The following EXOSC10 variants were observed in gnomAD, a reference collection of about 807,000 sequenced individuals.
The protein encoded by EXOSC10 is exosome component 10, also known as exosome complex component 10.
Under a neutral mutation model 126.6 loss-of-function variants are expected in EXOSC10, and 94 were observed. The observed-to-expected ratio is 0.74, with a 90% CI of 0.63 to 0.88. The LOEUF (loss-of-function observed/expected upper bound fraction) is 0.88. Among genes scored for constraint, EXOSC10 ranks in the 40% least tolerant of loss-of-function variants. The pLI is 0.00. For missense variants in EXOSC10, 1,041 were observed against 1,100.5 expected (o/e 0.95, Z 0.77); for synonymous variants, 395 against 400.8 (o/e 0.99, Z 0.17).
chr1:11,095,911 T>C (rs765529969), intron 2 of EXOSC10, 30 bp from the exon 3 acceptor site: 9 of 1,604,626 alleles, frequency 5.6e-6, no homozygotes, highest in African/African-American at 5.4e-5. Context: ...GGTTAGCTTG[T>C]AGATTTTTAT....
At position 11,090,993 on chromosome 1, in the gene EXOSC10, GGCAAA is replaced by G. The variant is rs1557715614; in HGVS notation, c.643+16_643+20del. On this transcript the variant is annotated intron_variant, in intron 5 of 24. Coordinates refer to ENST00000376936, the MANE Select transcript of EXOSC10 (RefSeq NM_001001998.3). Reference sequence around the variant, plus strand: ...TCAAATAAAGTGAGACTCAAACACAGGCAAAGTATGCACTATTTACCTTGAGGGAG... The same window carrying G: ...TCAAATAAAGTGAGACTCAAACACAGGTATGCACTATTTACCTTGAGGGAG... 1 of 1,609,316 alleles carries G rather than the reference GGCAAA, an allele frequency of 6.2e-7. No homozygotes were observed. Among genetic ancestry groups the G allele is most frequent in the Non-Finnish European group, 8.5e-7 (1 of 1,177,614 alleles).
chr1:11,099,860 A>G lies in EXOSC10; in HGVS notation c.-29T>C. 6.3e-7 allele frequency: 1 copy of G among 1,576,174 alleles called. No individual in the cohort carries two copies. On this transcript the variant is annotated 5_prime_UTR_variant, in exon 1 of 25. Coordinates refer to ENST00000376936, the MANE Select transcript of EXOSC10 (RefSeq NM_001001998.3). The stretch of plus-strand genomic sequence containing the variant: ...TTCAGCCTGCACGGCTCGTCTCGCG[A>G]GAGCTTGTCGGCCGAGGAGACGGGA...
intron 9 of EXOSC10, among the ~76,000 whole-genome samples, chr1:11,083,347 A>G (rs979956385): frequency 2.0e-5 from 3 of 152,054 alleles, no homozygotes; most frequent in African/African-American, 7.2e-5. Flanking sequence ...GGATTGCTTG[A>G]GGTCAGGAGT....
chr1:11,081,616 C>T (rs1397102919), intron 10 of EXOSC10, among the ~76,000 whole-genome samples: 3 of 152,186 alleles, frequency 2.0e-5, no homozygotes, highest in Admixed American at 2.0e-4. Flanking sequence ...GAACCAGGTA[C>T]TTCATAGGCT....
intron 10 of EXOSC10, 38 bp from the exon 11 acceptor site, chr1:11,081,276 C>A (rs747667876): frequency 1.2e-6 from 2 of 1,605,394 alleles, no homozygotes; most frequent in East Asian, 2.2e-5. Context: ...TGATTGCCCC[C>A]AAGGACAGCA....
intron 9 of EXOSC10, among the ~76,000 whole-genome samples, chr1:11,084,976 T>C (rs886873782): frequency 7.9e-5 from 12 of 152,134 alleles, no homozygotes; most frequent in African/African-American, 2.7e-4. Context: ...TGTTCTGTTC[T>C]ATTGATCTAT....
chr1:11,098,179 GCATGTTTA>G, intron 1 of EXOSC10, 23 bp from the exon 2 acceptor site: 1 of 1,586,214 alleles, frequency 6.3e-7, no homozygotes, highest in Non-Finnish European at 8.5e-7. Context: ...AGAAAAGATG[GCATGTTTA>G]CACAGGGATC....
intron 17 of EXOSC10, 62 bp downstream of exon 17, chr1:11,076,780 G>T: frequency 7.8e-7 from 1 of 1,280,666 alleles, no homozygotes; most frequent in Non-Finnish European, 1.1e-6. Flanking sequence ...ACAGCCTGCT[G>T]AATAAATCCA....
At chr1:11,087,092 T>C (rs1269208871) in intron 9 of EXOSC10, among the ~76,000 whole-genome samples, 2 of 152,236 alleles carry the variant, frequency 1.3e-5, no homozygotes, top group Non-Finnish European at 2.9e-5. Context: ...GTCACAGCTT[T>C]CTACACTCCT....
In EXOSC10 at chr1:11,070,885, A is replaced by C; in HGVS notation, c.2316+15T>G. 6.2e-7 allele frequency: 1 copy of C among 1,611,528 alleles called. No homozygotes were observed. The highest frequency in any genetic ancestry group is 1.3e-5 in the African/African-American group (1 of 74,946). On this transcript the variant is annotated intron_variant, in intron 21 of 24. Coordinates refer to ENST00000376936, the MANE Select transcript of EXOSC10 (RefSeq NM_001001998.3). ...ATCGTTTTTCAAAGGAAAAAGGAGAAAAGCTGGCACATACCACGACCTGCT... is the reference window on the plus strand; with the variant it reads ...ATCGTTTTTCAAAGGAAAAAGGAGACAAGCTGGCACATACCACGACCTGCT...
chr1:11,097,999 A>C (rs748996422), intron 2 of EXOSC10, 21 bp downstream of exon 2: 2 of 1,506,000 alleles, frequency 1.3e-6, no homozygotes, highest in East Asian at 5.0e-5. Context: ...CTAACACAAG[A>C]AAACAAAGTA....
At chr1:11,066,794 G>T in intron 24 of EXOSC10, 46 bp from the exon 25 acceptor site, 1 of 1,598,626 alleles carries the variant, frequency 6.3e-7, no homozygotes, top group Non-Finnish European at 8.6e-7. Flanking sequence ...GGGCTGGTTG[G>T]ATGTTCTCAG....
intron 10 of EXOSC10, 47 bp from the exon 11 acceptor site, chr1:11,081,285 CA>C: frequency 6.2e-7 from 1 of 1,601,674 alleles, no homozygotes; most frequent in Non-Finnish European, 8.5e-7. Flanking sequence ...CCAAGGACAG[CA>C]ATTCAATTTG....
At chr1:11,095,983 C>T in intron 2 of EXOSC10, 102 bp from the exon 3 acceptor site, 3 of 1,200,442 alleles carry the variant, frequency 2.5e-6, no homozygotes, top group South Asian at 2.9e-5. Context: ...CTGTTCCCAA[C>T]ACATCTTTTT....
Position 11,080,910 on chromosome 1 carries a change from T to G in EXOSC10, c.1440A>C (p.Lys480Asn). The G allele has an allele frequency of 6.2e-7, 1 of 1,604,404 alleles. No individual in the cohort carries two copies. The highest frequency in any genetic ancestry group is 8.5e-7 in the Non-Finnish European group (1 of 1,176,668). The part of the protein sequence containing the change: ...WQRSRDICLK[K>N]FIKPIFTDES... ...CATCCGTGAAGATAGGTTTGATGAA[T>G]TTCTACAAAGTATTAGAGAACATTC... is the stretch of plus-strand genomic sequence containing the variant. Residue 480 changes from lysine (K) to asparagine (N), a missense_variant and splice_region_variant, in exon 12 of 25, where the codon AAA (lysine) becomes AAC (asparagine). Physicochemically the swap from Lys to Asn is moderately conservative, Grantham distance 94. This residue lies in a region of EXOSC10 where 645 missense variants were observed against 656.3 expected (regional missense o/e 0.98). Coordinates refer to ENST00000376936, the MANE Select transcript of EXOSC10 (RefSeq NM_001001998.3).
chr1:11,096,204 G>A (rs930894875), intron 2 of EXOSC10, among the ~76,000 whole-genome samples: 1 of 151,546 alleles, frequency 6.6e-6, no homozygotes. Flanking sequence ...GGCTGCTCTC[G>A]AACTCCTGAC....
In EXOSC10 at chr1:11,068,055, CTG is replaced by C. The variant is rs1338692161; in HGVS notation, c.2578_2579del (p.Gln860ValfsTer54). The part of the protein sequence containing the change: ...KKCIAAKKIK[Q>X]SVGNKSMSFP... ...AGGACATGCTTTTGTTTCCCACCGA[CTG>C]TTTAATTTTTTTGGCTGCAATGCAT... On this transcript the variant is annotated frameshift_variant, in exon 24 of 25. Transcript: ENST00000376936. LOFTEE classifies it high-confidence loss of function. 2 of 1,614,172 alleles carry C rather than the reference CTG, an allele frequency of 1.2e-6. No homozygotes were observed. Among genetic ancestry groups the C allele is most frequent in the Non-Finnish European group, 1.7e-6 (2 of 1,180,014 alleles).
intron 3 of EXOSC10, among the ~76,000 whole-genome samples, chr1:11,092,361 T>G (rs1479519355): frequency 6.6e-6 from 1 of 151,486 alleles, no homozygotes; most frequent in Non-Finnish European, 1.5e-5. Flanking sequence ...ACTACAGGCA[T>G]GCACCACCAC....
intron 14 of EXOSC10, among the ~76,000 whole-genome samples, chr1:11,078,139 G>A (rs1639926744): frequency 6.6e-6 from 1 of 152,184 alleles, no homozygotes; most frequent in Admixed American, 6.5e-5. Context: ...GCTGGGTATG[G>A]TGGTGTATGC....
Sources: gnomAD v4.1 joint callset for allele counts (sites outside exome capture counted in the v4.1 genomes callset) on GRCh38, gnomAD v4.1.1 for gene constraint, gnomAD v4.1.1 regional missense constraint, MANE v1.5 for transcripts, NCBI Gene and HGNC (gene_info 2026-07-23, HGNC 2026-07-21) for gene names.